Variants in USP7 observed in about 807,000 individuals in gnomAD.
The protein encoded by USP7 is ubiquitin specific peptidase 7, also known as ubiquitin C-terminal hydrolase 7.
USP7 carries 9 observed loss-of-function variants against 162.9 expected under a neutral mutation model. The ratio of observed to expected loss-of-function variants is 0.06; its 90% CI spans 0.03 to 0.10. The LOEUF (loss-of-function observed/expected upper bound fraction) is 0.10, where lower values mean the gene tolerates loss of function less well. Among genes scored for constraint, USP7 ranks in the 10% least tolerant of loss-of-function variants. The pLI, the probability that USP7 is intolerant of heterozygous loss-of-function variation, is 1.00. For missense variants in USP7, 715 were observed against 1,373.7 expected (o/e 0.52, Z 7.58); for synonymous variants, 562 against 475.9 (o/e 1.18, Z -2.35).
At chr16:8,956,511 T>C (rs543780174) in intron 1 of USP7, 6 of 152,324 alleles carry the variant, frequency 3.9e-5, no homozygotes, top group Non-Finnish European at 8.8e-5. Flanking sequence ...ACGCCTGTAA[T>C]CCCAACACTT....
chr16:8,942,998 C>T (rs1048856168), intron 1 of USP7, among the ~76,000 whole-genome samples: 11 of 152,154 alleles, frequency 7.2e-5, no homozygotes, highest in Non-Finnish European at 1.5e-5. Flanking sequence ...TGAGGTCAGC[C>T]GACCACCTGG....
chr16:8,947,507 C>G (rs888699994), intron 1 of USP7, among the ~76,000 whole-genome samples: 1 of 152,088 alleles, frequency 6.6e-6, no homozygotes, highest in Admixed American at 6.6e-5. Context: ...ACCACCACAC[C>G]CAGCTAATTT....
chr16:8,905,052 C>A lies in USP7; in HGVS notation c.1573+135G>T, dbSNP rs2061838745. 2.8e-6 allele frequency: 3 copies of A among 1,089,120 alleles called. No individual in the cohort carries two copies. The Admixed American group carries it at 6.0e-5, about 22-fold the overall frequency. 67.5% of individuals were successfully genotyped at this position (1,089,120 alleles called of 1,614,324 possible). Reference sequence around the variant, plus strand: ...ATCGAAACGCGCAAGCCCAACCCTGCTCATTTCTGCGCTGCTGTGAATACA... The same window carrying A: ...ATCGAAACGCGCAAGCCCAACCCTGATCATTTCTGCGCTGCTGTGAATACA... On this transcript the variant is annotated intron_variant, in intron 14 of 30. Transcript: ENST00000344836.
At position 8,936,822 on chromosome 16, in the gene USP7, A is replaced by C. The variant is rs1460489951; in HGVS notation, c.80-6425T>G. The stretch of plus-strand genomic sequence containing the variant: ...AGTCCAGGAACAGAAGAGGATATTA[A>C]TGGAAAAACTGGTGAAACTCTGAAA... On this transcript the variant is annotated intron_variant, in intron 1 of 30. Coordinates refer to ENST00000344836, the MANE Select transcript of USP7 (RefSeq NM_003470.3). 6 of 1,120,800 alleles carry C rather than the reference A, an allele frequency of 5.4e-6. No individual in the cohort carries two copies. The African/African-American group carries it at 8.1e-5, about 15-fold the overall frequency. 69.4% of individuals were successfully genotyped at this position (1,120,800 alleles called of 1,614,324 possible).
At chr16:8,962,012 A>C (rs1900035539) in intron 1 of USP7, among the ~76,000 whole-genome samples, 1 of 152,182 alleles carries the variant, frequency 6.6e-6, no homozygotes, top group South Asian at 2.1e-4. Flanking sequence ...TTCAGTGACT[A>C]TCCAATTACT....
intron 25 of USP7, 122 bp downstream of exon 25, chr16:8,898,238 C>CAT: frequency 1.2e-6 from 1 of 851,652 alleles, no homozygotes; most frequent in Non-Finnish European, 1.8e-6. Flanking sequence ...CCCCAGCCCC[C>CAT]ATCATGTGCT....
At chr16:8,906,308 T>A in intron 13 of USP7, 118 bp downstream of exon 13, 1 of 1,164,772 alleles carries the variant, frequency 8.6e-7, no homozygotes, top group African/African-American at 1.5e-5. Context: ...AGCCAGAGAA[T>A]ACATAGATCA....
At chr16:8,900,865 T>G in intron 20 of USP7, 125 bp downstream of exon 20, 1 of 949,938 alleles carries the variant, frequency 1.1e-6, no homozygotes. Context: ...ATTCTCAAGA[T>G]CATCTGAGGC....
Position 8,893,422 on chromosome 16 carries a change from A to T in USP7, c.*576T>A, listed in dbSNP as rs1029807073. 1 of 154,348 alleles carries T rather than the reference A, an allele frequency of 6.5e-6. No individual in the cohort carries two copies. The highest frequency in any genetic ancestry group is 1.9e-4 in the East Asian group (1 of 5,248). 9.6% of individuals were successfully genotyped at this position (154,348 alleles called of 1,614,324 possible). On this transcript the variant is annotated 3_prime_UTR_variant, in exon 31 of 31. Coordinates refer to ENST00000344836, the MANE Select transcript of USP7 (RefSeq NM_003470.3). The stretch of plus-strand genomic sequence containing the variant: ...AGACAGTAGTGGCTGACGAGGTGAG[A>T]CAAGTTTATTAAAAAGCCCCCAGGC...
At chr16:8,921,583 T>C (rs1897692445) in intron 3 of USP7, among the ~76,000 whole-genome samples, 1 of 152,226 alleles carries the variant, frequency 6.6e-6, no homozygotes, top group Non-Finnish European at 1.5e-5. Flanking sequence ...TTTTGACCTC[T>C]GCTTCTACTG....
chr16:8,943,825 T>G (rs1310719925), intron 1 of USP7, among the ~76,000 whole-genome samples: 1 of 152,244 alleles, frequency 6.6e-6, no homozygotes, highest in African/African-American at 2.4e-5. Context: ...CGCTGGGGGA[T>G]AAACACAAAC....
In USP7 at chr16:8,905,245, C is replaced by G. The variant is rs372710211; in HGVS notation, c.1515G>C (p.Leu505=). ...EHNYGGHDDD[L]SVRHCTNAYM... is the part of the protein sequence containing the mutation. ...AAGCATTAGTGCAGTGTCGAACAGA[C>G]AGGTCGTCATCGTGACCCCCATAAT... is the stretch of plus-strand genomic sequence containing the variant. Residue 505 remains leucine, a synonymous_variant, in exon 14 of 31, where the codon CTG becomes CTC. Transcript: ENST00000344836. 1 of 1,614,202 alleles carries G rather than the reference C, an allele frequency of 6.2e-7. No homozygotes were observed. Among genetic ancestry groups the G allele is most frequent in the Non-Finnish European group, 8.5e-7 (1 of 1,180,042 alleles).
At chr16:8,930,431 A>T in intron 1 of USP7, 34 bp from the exon 2 acceptor site, 1 of 1,536,244 alleles carries the variant, frequency 6.5e-7, no homozygotes, top group Non-Finnish European at 8.9e-7. Flanking sequence ...CACGGGTTTT[A>T]CATTCATGGC....
intron 1 of USP7, among the ~76,000 whole-genome samples, chr16:8,937,889 A>G (rs1363189074): frequency 6.6e-6 from 1 of 152,168 alleles, no homozygotes. Context: ...GCTTGCATCT[A>G]TGTGGGAGCA....
intron 26 of USP7, among the ~76,000 whole-genome samples, chr16:8,896,061 G>C (rs959074420): frequency 1.3e-5 from 2 of 151,084 alleles, no homozygotes; most frequent in African/African-American, 2.4e-5. Context: ...GGATGGTCTC[G>C]AACTCCTGAC....
At position 8,892,606 on chromosome 16, in the gene USP7, T is replaced by TAAAAAAAAA. The variant is rs55937310; in HGVS notation, c.*1383_*1391dup. The TAAAAAAAAA allele has an allele frequency of 6.7e-5, 8 of 119,990 alleles. No individual in the cohort carries two copies. Among genetic ancestry groups the TAAAAAAAAA allele is most frequent in the African/African-American group, 1.6e-4 (5 of 32,180 alleles). The allele number at this position is 119,990 out of a possible 1,614,324, so 7.4% of individuals were successfully genotyped here. On this transcript the variant is annotated 3_prime_UTR_variant, in exon 31 of 31. Coordinates refer to ENST00000344836, the MANE Select transcript of USP7 (RefSeq NM_003470.3). ...AGAGTAAATGTGACTAGTTAGAGGC[T>TAAAAAAAAA]AAAAAAAAAAAAAAAAAAAAAAAGA...
At position 8,939,140 on chromosome 16, in the gene USP7, T is replaced by C. The variant is rs572451034; in HGVS notation, c.80-8743A>G. Among the ~76,000 whole-genome samples, 11 of 152,344 alleles carry C rather than the reference T, an allele frequency of 7.2e-5. No individual in the cohort carries two copies. In the East Asian group the frequency reaches 1.7e-3, roughly 24 times the overall value. The stretch of plus-strand genomic sequence containing the variant: ...ACATTTACATGTACTTACGTGTATT[T>C]AGTTCTCTACAATTTTATTTACTGT... On this transcript the variant is annotated intron_variant, in intron 1 of 30. Transcript: ENST00000344836.
intron 16 of USP7, 123 bp from the exon 17 acceptor site, chr16:8,902,605 G>A (rs911776283): frequency 1.9e-5 from 16 of 830,166 alleles, no homozygotes; most frequent in African/African-American, 1.6e-4. Flanking sequence ...GACTGTGATC[G>A]TAGGCCAGGT....
chr16:8,899,810 G>A (rs940390146), intron 21 of USP7, 53 bp from the exon 22 acceptor site: 8 of 1,603,132 alleles, frequency 5.0e-6, no homozygotes, highest in Admixed American at 3.3e-5. Flanking sequence ...GCAGGGGGTA[G>A]CTGGTAAAAA....
Sources: gnomAD v4.1 joint callset for allele counts (sites outside exome capture counted in the v4.1 genomes callset) on GRCh38, gnomAD v4.1.1 for gene constraint, MANE v1.5 for transcripts, NCBI Gene and HGNC (gene_info 2026-07-23, HGNC 2026-07-21) for gene names.